Variants in FRMD4B observed in about 807,000 individuals in gnomAD.
FRMD4B encodes the protein FERM domain-containing protein 4B.
A neutral mutation model predicts 141.5 loss-of-function variants in FRMD4B; 74 were observed. That is an observed-to-expected ratio of 0.52 (90% CI 0.43 to 0.63). The LOEUF (loss-of-function observed/expected upper bound fraction) is 0.63, where lower values mean the gene tolerates loss of function less well. Among genes scored for constraint, FRMD4B ranks in the 30% least tolerant of loss-of-function variants. FRMD4B has a pLI of 0.00. For missense variants in FRMD4B, 1,366 were observed against 1,253.4 expected, an observed-to-expected ratio of 1.09 and a Z score of -1.36; for synonymous variants, 506 against 467.9, an observed-to-expected ratio of 1.08 and a Z score of -1.05.
intron 1 of FRMD4B, among the ~76,000 whole-genome samples, chr3:69,524,829 G>A (rs1000338452): frequency 6.6e-5 from 10 of 152,196 alleles, no homozygotes; most frequent in South Asian, 2.1e-4. Context: ...AGGAAATGTC[G>A]CCCCTACCTT....
chr3:69,299,220 T>C (rs1701131606), intron 4 of FRMD4B, among the ~76,000 whole-genome samples: 1 of 152,170 alleles, frequency 6.6e-6, no homozygotes, highest in Non-Finnish European at 1.5e-5. Context: ...AGGAATTTTC[T>C]CAGCATTTAC....
rs564101024 is a variant in FRMD4B at position 69,325,635 on chromosome 3, GC to G, written c.163-12119del. Reference sequence around the variant, plus strand: ...GGTATCTCTCTAAATCTCAGTTTCTGCCCCTATGAAATGGAAAGGATAAAAA... The same window carrying G: ...GGTATCTCTCTAAATCTCAGTTTCTGCCCTATGAAATGGAAAGGATAAAAA... On this transcript the variant is annotated intron_variant, in intron 1 of 22. Coordinates refer to ENST00000398540, the MANE Select transcript of FRMD4B (RefSeq NM_015123.3). Among the ~76,000 whole-genome samples the G allele has an allele frequency of 3.3e-5, 5 of 152,208 alleles. No individual in the cohort carries two copies. The East Asian group carries it at 7.7e-4, about 24-fold the overall frequency.
chr3:69,419,207 C>T (rs1045354517), intron 2 of FRMD4B, among the ~76,000 whole-genome samples: 5 of 152,020 alleles, frequency 3.3e-5, no homozygotes, highest in Admixed American at 6.6e-5. Context: ...AGTAGAAATC[C>T]AACTGAAACT....
intron 22 of FRMD4B, 112 bp downstream of exon 22, chr3:69,176,412 G>T: frequency 1.2e-6 from 1 of 843,136 alleles, no homozygotes; most frequent in Non-Finnish European, 2.0e-6. Context: ...TTGGCCCACA[G>T]GCTAGAGTTT....
chr3:69,462,925 G>A (rs1705727796), intron 1 of FRMD4B, among the ~76,000 whole-genome samples: 1 of 152,200 alleles, frequency 6.6e-6, no homozygotes, highest in Non-Finnish European at 1.5e-5. Context: ...TTGTCACAAA[G>A]CCAGCTTTCT....
At chr3:69,218,567 A>C (rs1201748182) in intron 9 of FRMD4B, among the ~76,000 whole-genome samples, 188 bp from the exon 10 acceptor site, 1 of 152,224 alleles carries the variant, frequency 6.6e-6, no homozygotes, top group African/African-American at 2.4e-5. Flanking sequence ...AAATGTCAGG[A>C]AAATGCTAAT....
intron 1 of FRMD4B, among the ~76,000 whole-genome samples, chr3:69,500,693 A>AC (rs1167912529): frequency 7.7e-6 from 1 of 129,418 alleles, no homozygotes; most frequent in East Asian, 2.3e-4. Flanking sequence ...AGGCCCCCCC[A>AC]CCCCCCAAGC....
intron 11 of FRMD4B, among the ~76,000 whole-genome samples, chr3:69,206,395 A>G (rs2093024718): frequency 6.6e-6 from 1 of 152,192 alleles, no homozygotes; most frequent in Non-Finnish European, 1.5e-5. Flanking sequence ...CTTAAATGCA[A>G]GGAGTAAAAC....
rs112378005 is a variant in FRMD4B at position 69,270,461 on chromosome 3, T to C, written c.501+17291A>G. Among the ~76,000 whole-genome samples, 404 of 152,300 alleles carry C rather than the reference T, an allele frequency of 2.7e-3. 2 individuals carry two copies. Among genetic ancestry groups the C allele is most frequent in the Non-Finnish European group, 3.1e-3 (208 of 68,030 alleles). On this transcript the variant is annotated intron_variant, in intron 5 of 22. Coordinates refer to ENST00000398540, the MANE Select transcript of FRMD4B (RefSeq NM_015123.3). ...AGGTAGAAAGATGGACAGAAATAGT[T>C]GGTATGGATAAGTTTGGTTTTGTAA...
rs137861118 is a variant in FRMD4B at position 69,525,374 on chromosome 3, G to T, written c.-129+16832C>A. ...ACTCTGGCTCCTCCCTCTGGACCCA[G>T]ATCCCAAGGTGGTAGATGTTTTGAT... is the stretch of plus-strand genomic sequence containing the variant. On this transcript the variant is annotated intron_variant, in intron 1 of 5. Transcript: ENST00000459638. Among the ~76,000 whole-genome samples the T allele has an allele frequency of 4.4e-4, 67 of 152,258 alleles. 2 individuals carry two copies. Among genetic ancestry groups the T allele is most frequent in the African/African-American group, 1.3e-3 (55 of 41,564 alleles).
At chr3:69,308,804 CA>C (rs1243815643) in intron 3 of FRMD4B, among the ~76,000 whole-genome samples, 3 of 152,058 alleles carry the variant, frequency 2.0e-5, no homozygotes, top group Non-Finnish European at 1.5e-5. Flanking sequence ...AGGACTTTTG[CA>C]CTGGTTTTTG....
chr3:69,267,893 A>C (rs1232254973), intron 5 of FRMD4B, among the ~76,000 whole-genome samples: 2 of 151,710 alleles, frequency 1.3e-5, no homozygotes, highest in Non-Finnish European at 2.9e-5. Flanking sequence ...TTGGCCTCCC[A>C]AAGTGCTGGG....
chr3:69,481,496 A>G (rs928752538), intron 1 of FRMD4B, among the ~76,000 whole-genome samples: 23 of 152,166 alleles, frequency 1.5e-4, no homozygotes, highest in Admixed American at 6.5e-5. Flanking sequence ...CTCAGTAAAA[A>G]AGGGAAATTT....
intron 2 of FRMD4B, among the ~76,000 whole-genome samples, chr3:69,402,144 CCTAGGGCAGGT>C (rs1462264444): frequency 7.2e-5 from 11 of 152,150 alleles, no homozygotes; most frequent in African/African-American, 2.7e-4. Context: ...AAAGGACAGG[CCTAGGGCAGGT>C]ATGGTAATCC....
intron 1 of FRMD4B, among the ~76,000 whole-genome samples, chr3:69,528,526 G>C (rs1337046485): frequency 2.6e-5 from 4 of 151,914 alleles, no homozygotes; most frequent in African/African-American, 4.8e-5. Flanking sequence ...CACCATGCTG[G>C]ATTAATTTTT....
chr3:69,257,349 A>G (rs1460697131), intron 5 of FRMD4B, among the ~76,000 whole-genome samples: 1 of 152,144 alleles, frequency 6.6e-6, no homozygotes, highest in Non-Finnish European at 1.5e-5. Context: ...ACACAATATG[A>G]TATCCCATTG....
At chr3:69,501,785 C>T (rs980930912) in intron 1 of FRMD4B, among the ~76,000 whole-genome samples, 3 of 152,164 alleles carry the variant, frequency 2.0e-5, no homozygotes, top group Admixed American at 6.5e-5. Flanking sequence ...GAAAACCCCA[C>T]TGTCTCAGCC....
At chr3:69,478,034 A>T (rs1289818063) in intron 1 of FRMD4B, among the ~76,000 whole-genome samples, 2 of 151,722 alleles carry the variant, frequency 1.3e-5, no homozygotes, top group South Asian at 2.1e-4. Flanking sequence ...TGTATTTCTG[A>T]GGGATCAGTG....
intron 1 of FRMD4B, among the ~76,000 whole-genome samples, chr3:69,332,872 C>A (rs919002653): frequency 6.6e-6 from 1 of 151,452 alleles, no homozygotes; most frequent in Non-Finnish European, 1.5e-5. Flanking sequence ...ATCCACTGTG[C>A]CCAGCCAGGA....
Sources: allele counts gnomAD v4.1 joint callset (sites outside exome capture counted in the v4.1 genomes callset), GRCh38; gene constraint gnomAD v4.1.1; transcripts MANE v1.5; gene names NCBI Gene and HGNC (gene_info 2026-07-23, HGNC 2026-07-21).